The following ZNF362 variants were observed in gnomAD, a reference collection of about 807,000 sequenced individuals.
The protein encoded by ZNF362 is rotund homolog.
A neutral mutation model predicts 42.9 loss-of-function variants in ZNF362; 11 were observed. The ratio of observed to expected loss-of-function variants is 0.26; its 90% CI spans 0.16 to 0.42. The LOEUF is 0.42. ZNF362 is among the 20% of genes least tolerant of loss of function. The probability of loss-of-function intolerance (pLI) is 1.00; values close to 1 mark genes in which losing one functional copy is unlikely to be tolerated. For missense variants in ZNF362, 362 were observed against 576.2 expected (o/e 0.63, Z 3.81); for synonymous variants, 255 against 257.3 (o/e 0.99, Z 0.09).
the ZNF362 span, chr1:33,141,855 G>A: frequency 1.2e-5 from 2 of 162,832 alleles, no homozygotes; most frequent in Non-Finnish European, 2.7e-5. Flanking sequence ...ATAGAAAACT[G>A]TACTATTTTG....
chr1:33,167,622 T>C, the ZNF362 span, among the ~76,000 whole-genome samples: 1 of 152,184 alleles, frequency 6.6e-6, no homozygotes, highest in African/African-American at 2.4e-5. The surrounding 1 kb of genome is among the most constrained non-coding windows in gnomAD (Gnocchi z 4.2). Flanking sequence ...GCTGCGTGAA[T>C]GAAGTTCCTG....
chr1:33,188,320 T>G, the ZNF362 span, among the ~76,000 whole-genome samples: 1 of 152,182 alleles, frequency 6.6e-6, no homozygotes, highest in Non-Finnish European at 1.5e-5. Context: ...CAAGTGGTTA[T>G]TCCAGCATTT....
chr1:33,257,293 T>G (rs1570376526), intron 1 of ZNF362, among the ~76,000 whole-genome samples: 5 of 147,014 alleles, frequency 3.4e-5, no homozygotes, highest in South Asian at 4.3e-4. Flanking sequence ...TTCGGGGAGG[T>G]GAGACACAAT....
At chr1:33,163,810 C>G in the ZNF362 span, 1 of 152,470 alleles carries the variant, frequency 6.6e-6, no homozygotes, top group Admixed American at 6.5e-5. Flanking sequence ...GAAATATGAC[C>G]TCCAAAGCAT....
chr1:33,237,056 C>T, the ZNF362 span, among the ~76,000 whole-genome samples: 38 of 152,046 alleles, frequency 2.5e-4, no homozygotes, highest in East Asian at 9.7e-4. Flanking sequence ...GGGCACAGAG[C>T]GAGATTCTGT....
chr1:33,239,170 A>G, the ZNF362 span, among the ~76,000 whole-genome samples: 1 of 152,182 alleles, frequency 6.6e-6, no homozygotes, highest in Non-Finnish European at 1.5e-5. Context: ...ATGCCAGAGT[A>G]TTTATACTGG....
chr1:33,299,207 G>T lies in ZNF362; in HGVS notation c.*161G>T, dbSNP rs979525332. 3 of 609,360 alleles carry T rather than the reference G, an allele frequency of 4.9e-6. No individual in the cohort carries two copies. The highest frequency in any genetic ancestry group is 2.0e-5 in the South Asian group (1 of 50,840). The allele number at this position is 609,360 out of a possible 1,614,324, so 37.7% of individuals were successfully genotyped here. A position where few individuals can be genotyped will look rare whatever the true frequency, so the allele number is the denominator to read the frequency against. Reference sequence around the variant, plus strand: ...GTCCGCAGAAGCCCTGCCTGGTCCAGTCCGGGGGCGGCCAGGCCAACTGCA... The same window carrying T: ...GTCCGCAGAAGCCCTGCCTGGTCCATTCCGGGGGCGGCCAGGCCAACTGCA... On this transcript the variant is annotated 3_prime_UTR_variant, in exon 9 of 9. Coordinates refer to ENST00000539719, the MANE Select transcript of ZNF362 (RefSeq NM_152493.3).
At chr1:33,238,363 T>A in the ZNF362 span, among the ~76,000 whole-genome samples, 54 of 71,692 alleles carry the variant, frequency 7.5e-4, 1 homozygote, top group Admixed American at 3.5e-3. Context: ...TAAAATAAAA[T>A]AATAAAATAA....
At chr1:33,250,126 C>A in the ZNF362 span, among the ~76,000 whole-genome samples, 2 of 152,162 alleles carry the variant, frequency 1.3e-5, no homozygotes, top group African/African-American at 4.8e-5. Flanking sequence ...ATGCACCAGG[C>A]ACTGCAGTAA....
chr1:33,250,852 GGAA>G, the ZNF362 span, among the ~76,000 whole-genome samples: 16,368 of 137,464 alleles, frequency 0.12, 1,023 homozygotes, highest in Non-Finnish European at 0.14. Context: ...GAAGAAAGAA[GGAA>G]GAAGAAGAAG....
At chr1:33,132,946 A>G in the ZNF362 span, among the ~76,000 whole-genome samples, 1 of 152,226 alleles carries the variant, frequency 6.6e-6, no homozygotes, top group Non-Finnish European at 1.5e-5. Context: ...GAAGTGGAAA[A>G]TTCTAAGGGC....
At chr1:33,168,644 T>G in the ZNF362 span, among the ~76,000 whole-genome samples, 1 of 152,238 alleles carries the variant, frequency 6.6e-6, no homozygotes, top group Non-Finnish European at 1.5e-5. Flanking sequence ...TACTAACAGC[T>G]GAAAGTCATT....
intron 6 of ZNF362, among the ~76,000 whole-genome samples, chr1:33,282,695 G>A (rs540763228): frequency 3.9e-5 from 6 of 152,034 alleles, no homozygotes; most frequent in African/African-American, 7.3e-5. Context: ...GGTGGTGGGC[G>A]TCTGTAATCC....
intron 2 of ZNF362, among the ~76,000 whole-genome samples, chr1:33,272,626 C>T (rs1450483762): frequency 1.3e-5 from 2 of 152,126 alleles, no homozygotes; most frequent in South Asian, 2.1e-4. Context: ...TTTCCTCTGC[C>T]CATTCTGGTA....
At chr1:33,254,870 C>G (rs890895435), upstream of ZNF362, among the ~76,000 whole-genome samples, 4 of 152,040 alleles carry the variant, frequency 2.6e-5, no homozygotes, top group African/African-American at 9.7e-5. Flanking sequence ...CTCTTCTCTC[C>G]CGTTTATTAA....
rs1017162857 is a variant in ZNF362, at chr1:33,294,810, T to C, written c.909-127T>C. 5.0e-6 allele frequency: 5 copies of C among 1,005,258 alleles called. No individual in the cohort carries two copies. In the African/African-American group the frequency reaches 6.5e-5, roughly 13 times the overall value. The allele number at this position is 1,005,258 out of a possible 1,614,324, so 62.3% of individuals were successfully genotyped here. A position where few individuals can be genotyped will look rare whatever the true frequency, so the allele number is the denominator to read the frequency against. Reference sequence around the variant, plus strand: ...CCCCAGCTCTTGCCTGGGCTCACTCTTGGTCCTTGGGGAGCATGGGCAGGG... The same window carrying C: ...CCCCAGCTCTTGCCTGGGCTCACTCCTGGTCCTTGGGGAGCATGGGCAGGG... On this transcript the variant is annotated intron_variant, in intron 6 of 8. Transcript: ENST00000539719. This position sits in a 1 kb window ranked among gnomAD's most constrained non-coding sequence, Gnocchi z 4.2.
intron 8 of ZNF362, 138 bp downstream of exon 8, chr1:33,295,443 C>T (rs1646114812): frequency 8.7e-7 from 1 of 1,152,168 alleles, no homozygotes; most frequent in Non-Finnish European, 1.2e-6. Context: ...GGAAGTGACA[C>T]CCTGAGATCA....
At chr1:33,145,983 G>T in the ZNF362 span, 1 of 466,122 alleles carries the variant, frequency 2.1e-6, no homozygotes, top group Non-Finnish European at 4.5e-6. Context: ...AGAGGGGCAG[G>T]CCTCAGGACA....
the ZNF362 span, among the ~76,000 whole-genome samples, chr1:33,240,728 C>G: frequency 6.6e-6 from 1 of 152,098 alleles, no homozygotes; most frequent in Non-Finnish European, 1.5e-5. Flanking sequence ...ATCCCATATC[C>G]CTGTGTTTAA....
Sources: gnomAD v4.1 joint callset for allele counts (sites outside exome capture counted in the v4.1 genomes callset) on GRCh38, gnomAD v4.1.1 for gene constraint, Gnocchi (gnomAD v3.1) non-coding constraint, MANE v1.5 for transcripts, NCBI Gene and HGNC (gene_info 2026-07-23, HGNC 2026-07-21) for gene names.